The following CHEK2 variants were observed in gnomAD, a reference collection of about 807,000 sequenced individuals.
CHEK2 encodes the protein checkpoint kinase 2.
Under a neutral mutation model 69.1 loss-of-function variants are expected in CHEK2, and 71 were observed. That is an observed-to-expected ratio of 1.03 (90% CI 0.85 to 1.25). The LOEUF (loss-of-function observed/expected upper bound fraction) is 1.25. Among genes scored for constraint, CHEK2 ranks in the 50% most tolerant of loss-of-function variants. The probability of loss-of-function intolerance (pLI) is 0.00; values close to 1 mark genes in which losing one functional copy is unlikely to be tolerated. For missense variants in CHEK2, 664 were observed against 649.6 expected (o/e 1.02, Z -0.24); for synonymous variants, 189 against 226.9 (o/e 0.83, Z 1.50).
At chr22:28,706,957 AG>A (rs1307041135) in intron 7 of CHEK2, among the ~76,000 whole-genome samples, 1 of 152,126 alleles carries the variant, frequency 6.6e-6, no homozygotes, top group Non-Finnish European at 1.5e-5. Flanking sequence ...CAAAAAGAAA[AG>A]ACACATATAG....
intron 9 of CHEK2, among the ~76,000 whole-genome samples, chr22:28,699,360 T>G (rs1361574239): frequency 7.8e-6 from 1 of 128,504 alleles, no homozygotes; most frequent in Non-Finnish European, 1.6e-5. Context: ...TGAGAGCTTT[T>G]TCTTTTTTTT....
intron 2 of CHEK2, among the ~76,000 whole-genome samples, chr22:28,729,663 A>T (rs2054134607): frequency 6.6e-6 from 1 of 152,080 alleles, no homozygotes; most frequent in African/African-American, 2.4e-5. Flanking sequence ...ACAGAAAAAA[A>T]TTTTGGCAAA....
intron 1 of CHEK2, chr22:28,738,016 G>A (rs898420959): frequency 6.6e-6 from 1 of 152,210 alleles, no homozygotes; most frequent in African/African-American, 2.4e-5. Flanking sequence ...GACCAGCCTG[G>A]GCACCATGGT....
At chr22:28,691,598 A>C (rs1049289887) in intron 13 of CHEK2, among the ~76,000 whole-genome samples, 9 of 152,402 alleles carry the variant, frequency 5.9e-5, no homozygotes, top group Admixed American at 5.9e-4. Flanking sequence ...TGTGAGGCTG[A>C]GGCGGGAGGA....
intron 4 of CHEK2, among the ~76,000 whole-genome samples, chr22:28,723,168 A>G (rs1480719345): frequency 6.6e-6 from 1 of 152,178 alleles, no homozygotes; most frequent in Non-Finnish European, 1.5e-5. Flanking sequence ...TCAGAAATGG[A>G]TGCTTATAAA....
intron 4 of CHEK2, among the ~76,000 whole-genome samples, chr22:28,723,552 C>T (rs1287115801): frequency 7.4e-6 from 1 of 134,616 alleles, no homozygotes; most frequent in African/African-American, 2.8e-5. Context: ...GAGCCGAGAT[C>T]GCGCCACTGC....
At chr22:28,739,143 G>A (rs759312706) in intron 1 of CHEK2, among the ~76,000 whole-genome samples, 6 of 151,924 alleles carry the variant, frequency 3.9e-5, no homozygotes, top group Non-Finnish European at 8.8e-5. Context: ...GGTGGCCCGT[G>A]CCTGTAATCC....
In CHEK2 at chr22:28,695,860, C is replaced by T. The variant is rs587780166; in HGVS notation, c.1109G>A (p.Gly370Glu). 6.2e-7 allele frequency: 1 copy of T among 1,612,390 alleles called. No individual in the cohort carries two copies. Among genetic ancestry groups the T allele is most frequent in the East Asian group, 2.2e-5 (1 of 44,878 alleles). The change falls in exon 11 of 15, where the codon GGG (glycine) becomes GAG (glutamate). Residue 370 changes from glycine (G) to glutamate (E), a missense_variant. Transcript: ENST00000404276. ...GGTCTCTCCCAAAATCTTGGAGTGCCCAAAATCAGTAATCTAAAATTCAGT... is the reference window on the plus strand; with the variant it reads ...GGTCTCTCCCAAAATCTTGGAGTGCTCAAAATCAGTAATCTAAAATTCAGT... ...EDCLIKITDF[G>E]HSKILGETSL...
intron 4 of CHEK2, chr22:28,721,724 C>A (rs2053792398): frequency 2.5e-6 from 1 of 392,430 alleles, no homozygotes; most frequent in Non-Finnish European, 5.3e-6. Flanking sequence ...ACATGTTGTA[C>A]ATGATAAATA....
At chr22:28,713,053 T>C (rs2053459858) in intron 5 of CHEK2, among the ~76,000 whole-genome samples, 1 of 152,230 alleles carries the variant, frequency 6.6e-6, no homozygotes, top group African/African-American at 2.4e-5. Flanking sequence ...ATTTGCCTAT[T>C]CTGAATATTT....
At chr22:28,727,136 G>A (rs1028592202) in intron 2 of CHEK2, among the ~76,000 whole-genome samples, 6 of 152,114 alleles carry the variant, frequency 3.9e-5, no homozygotes, top group Non-Finnish European at 7.4e-5. Context: ...CCACCTCCCA[G>A]GTTCAAGCGA....
rs398040472 is a variant in CHEK2 at position 28,698,228 on chromosome 22, TA to T, written c.1009-1242del. On this transcript the variant is annotated intron_variant, in intron 9 of 14. Transcript: ENST00000404276. ...CAACATGGTGAAACCCTATCTTTAC[TA>T]AAAAAAAAAAAAAAAAAATTAGCTG... Among the ~76,000 whole-genome samples the T allele has an allele frequency of 8.5e-4, 70 of 81,896 alleles. 1 individual carries two copies. Among genetic ancestry groups the T allele is most frequent in the Admixed American group, 2.0e-3 (14 of 7,058 alleles). 53.7% of individuals were successfully genotyped at this position (81,896 alleles called of 152,430 possible).
intron 8 of CHEK2, 65 bp downstream of exon 8, chr22:28,703,440 A>G (rs2145875668): frequency 1.1e-6 from 1 of 888,882 alleles, no homozygotes; most frequent in Non-Finnish European, 1.8e-6. Flanking sequence ...CCTACATTAG[A>G]TTCTTTGGTG....
At chr22:28,691,875 G>A (rs1466525334) in intron 13 of CHEK2, among the ~76,000 whole-genome samples, 2 of 152,124 alleles carry the variant, frequency 1.3e-5, no homozygotes, top group East Asian at 1.9e-4. Flanking sequence ...TCAGTTCAGC[G>A]ACAGACCCAC....
intron 2 of CHEK2, among the ~76,000 whole-genome samples, chr22:28,726,907 T>G (rs558596929): frequency 6.6e-6 from 1 of 150,686 alleles, no homozygotes; most frequent in East Asian, 1.9e-4. Context: ...CCCCCAAGAA[T>G]GCTGGGTTCA....
At chr22:28,697,017 A>T in intron 9 of CHEK2, 30 bp from the exon 10 acceptor site, 1 of 1,351,088 alleles carries the variant, frequency 7.4e-7, no homozygotes, top group Non-Finnish European at 1.1e-6. Flanking sequence ...TGACCCTCAG[A>T]TTCATGCAGT....
chr22:28,706,979 G>A (rs743184), intron 7 of CHEK2, among the ~76,000 whole-genome samples: 91,259 of 152,030 alleles, frequency 0.6, 28,407 homozygotes, highest in South Asian at 0.78. Context: ...AAAAGGAACG[G>A]AGAGAAGGAA....
At position 28,687,838 on chromosome 22, in the gene CHEK2, G is replaced by A. The variant is rs540410451; in HGVS notation, c.*59C>T. On this transcript the variant is annotated 3_prime_UTR_variant, in exon 15 of 15. Transcript: ENST00000404276. Reference sequence around the variant, plus strand: ...CAAACTATAAAAAAACAGACTCAAAGAAAAGAAAGATGACAGAGTGAAAGA... The same window carrying A: ...CAAACTATAAAAAAACAGACTCAAAAAAAAGAAAGATGACAGAGTGAAAGA... 23 of 1,315,204 alleles carry A rather than the reference G, an allele frequency of 1.7e-5. No homozygotes were observed. Among genetic ancestry groups the A allele is most frequent in the East Asian group, 2.3e-5 (1 of 43,518 alleles). 81.5% of individuals were successfully genotyped at this position (1,315,204 alleles called of 1,614,324 possible). A position where few individuals can be genotyped will look rare whatever the true frequency, so the allele number is the denominator to read the frequency against.
At chr22:28,720,476 G>T (rs1193858860) in intron 4 of CHEK2, among the ~76,000 whole-genome samples, 1 of 151,872 alleles carries the variant, frequency 6.6e-6, no homozygotes, top group South Asian at 2.1e-4. Flanking sequence ...CACCCACGTG[G>T]GCCAAGCCTG....
Sources: gnomAD v4.1 joint callset for allele counts (sites outside exome capture counted in the v4.1 genomes callset) on GRCh38, gnomAD v4.1.1 for gene constraint, MANE v1.5 for transcripts, NCBI Gene and HGNC (gene_info 2026-07-23, HGNC 2026-07-21) for gene names.